Variants in BBS9 observed in about 807,000 individuals in gnomAD.
BBS9 encodes the protein protein PTHB1.
A neutral mutation model predicts 117.7 loss-of-function variants in BBS9; 89 were observed. The ratio of observed to expected loss-of-function variants is 0.76; its 90% CI spans 0.64 to 0.90. The LOEUF is 0.90. BBS9 is among the 40% of genes least tolerant of loss of function. The probability of loss-of-function intolerance (pLI) is 0.00; values close to 1 mark genes in which losing one functional copy is unlikely to be tolerated. For synonymous variants in BBS9, 379 were observed against 370.9 expected (o/e 1.02, Z -0.25); for missense variants, 982 against 1,042.2 (o/e 0.94, Z 0.80).
At chr7:33,286,267 T>C (rs1802865793) in intron 9 of BBS9, among the ~76,000 whole-genome samples, 2 of 152,088 alleles carry the variant, frequency 1.3e-5, no homozygotes, top group Non-Finnish European at 2.9e-5. Flanking sequence ...GGAAAAATCC[T>C]TTTGTGTTTT....
intron 10 of BBS9, among the ~76,000 whole-genome samples, chr7:33,338,729 T>C (rs1815894351): frequency 6.6e-6 from 1 of 152,252 alleles, no homozygotes; most frequent in African/African-American, 2.4e-5. Flanking sequence ...AAGCTTTTCA[T>C]ACTCAACTCA....
At chr7:33,413,216 T>G (rs939349723) in intron 19 of BBS9, among the ~76,000 whole-genome samples, 23 of 152,308 alleles carry the variant, frequency 1.5e-4, no homozygotes, top group East Asian at 5.8e-4. Flanking sequence ...ATCCTTGCAG[T>G]CTCACTCCTA....
Position 33,272,995 on chromosome 7 carries a change from T to TG in BBS9, c.703-16dup. ...CTGAGGTTAGCAACTAAATTGATAT[T>TG]GAGTTTTGCTTTGTAGGTGGATTGG... On this transcript the variant is annotated splice_polypyrimidine_tract_variant and intron_variant, in intron 7 of 22. Coordinates refer to ENST00000242067, the MANE Select transcript of BBS9 (RefSeq NM_198428.3). 3 of 1,613,382 alleles carry TG rather than the reference T, an allele frequency of 1.9e-6. No homozygotes were observed. Among genetic ancestry groups the TG allele is most frequent in the Non-Finnish European group, 2.5e-6 (3 of 1,179,524 alleles).
At chr7:33,568,015 T>C (rs1049404406) in intron 21 of BBS9, among the ~76,000 whole-genome samples, 1 of 152,200 alleles carries the variant, frequency 6.6e-6, no homozygotes, top group African/African-American at 2.4e-5. Flanking sequence ...TCTTCTTCAA[T>C]ACATTTTTTA....
At chr7:33,151,450 C>G (rs959070253) in intron 2 of BBS9, among the ~76,000 whole-genome samples, 1 of 152,108 alleles carries the variant, frequency 6.6e-6, no homozygotes, top group African/African-American at 2.4e-5. Flanking sequence ...TTGAACTGAA[C>G]AAGCCTTTAG....
At chr7:33,548,767 G>T (rs13309541) in intron 21 of BBS9, among the ~76,000 whole-genome samples, 2 of 150,280 alleles carry the variant, frequency 1.3e-5, no homozygotes, top group Admixed American at 6.7e-5. Flanking sequence ...CTGCTCAAGG[G>T]AATAAAAGAG....
chr7:33,401,183 TTTTTC>T (rs1828857482), intron 19 of BBS9, among the ~76,000 whole-genome samples: 1 of 152,248 alleles, frequency 6.6e-6, no homozygotes, highest in African/African-American at 2.4e-5. Context: ...CTTAATATTC[TTTTTC>T]AGTTGATTCC....
chr7:33,595,013 C>A (rs1012654554), intron 21 of BBS9, among the ~76,000 whole-genome samples: 3 of 152,090 alleles, frequency 2.0e-5, no homozygotes, highest in African/African-American at 7.2e-5. Context: ...AAACTGGACC[C>A]CTTCCTTAGA....
intron 21 of BBS9, among the ~76,000 whole-genome samples, chr7:33,540,075 A>G (rs776635480): frequency 6.6e-6 from 1 of 152,208 alleles, no homozygotes; most frequent in Non-Finnish European, 1.5e-5. Context: ...TTCCTTAAGC[A>G]GGAGGATCCA....
chr7:33,258,699 G>T (rs1797477912), intron 6 of BBS9, among the ~76,000 whole-genome samples: 1 of 152,174 alleles, frequency 6.6e-6, no homozygotes, highest in South Asian at 2.1e-4. Flanking sequence ...ACCCAGCTCT[G>T]TGCCTCACCT....
intron 19 of BBS9, among the ~76,000 whole-genome samples, chr7:33,472,837 G>T (rs1187928764): frequency 6.6e-6 from 1 of 152,136 alleles, no homozygotes; most frequent in African/African-American, 2.4e-5. Flanking sequence ...TGTGGAACTT[G>T]CCACATGATA....
At chr7:33,309,314 C>T (rs991659511) in intron 9 of BBS9, among the ~76,000 whole-genome samples, 10 of 147,226 alleles carry the variant, frequency 6.8e-5, no homozygotes, top group Admixed American at 2.1e-4. Flanking sequence ...AATTATAACA[C>T]GTTTGAGTGA....
intron 5 of BBS9, among the ~76,000 whole-genome samples, chr7:33,246,707 A>G (rs1646688196): frequency 6.6e-6 from 1 of 151,980 alleles, no homozygotes; most frequent in Non-Finnish European, 1.5e-5. Context: ...GTTCTTCTGT[A>G]TGATGTTGTC....
At chr7:33,361,841 G>T (rs553197533) in intron 16 of BBS9, among the ~76,000 whole-genome samples, 3 of 151,984 alleles carry the variant, frequency 2.0e-5, no homozygotes, top group East Asian at 3.9e-4. Flanking sequence ...ATACACTTTT[G>T]TTCTCAAACA....
intron 21 of BBS9, among the ~76,000 whole-genome samples, chr7:33,634,981 G>T (rs1052716437): frequency 2.0e-5 from 3 of 152,180 alleles, no homozygotes; most frequent in Non-Finnish European, 4.4e-5. Flanking sequence ...TTCTCTTTTG[G>T]TGTCCTTGGC....
At chr7:33,207,311 ACTTCC>A (rs1787110411) in intron 5 of BBS9, among the ~76,000 whole-genome samples, 1 of 152,148 alleles carries the variant, frequency 6.6e-6, no homozygotes, top group African/African-American at 2.4e-5. Flanking sequence ...CCAAATTGGC[ACTTCC>A]TTCACATTTG....
At chr7:33,194,198 C>T (rs538496896) in intron 5 of BBS9, among the ~76,000 whole-genome samples, 2 of 152,276 alleles carry the variant, frequency 1.3e-5, no homozygotes, top group East Asian at 3.9e-4. Context: ...TTCCATTTCT[C>T]TGGGCTGTCT....
chr7:33,596,055 A>G (rs2129187112), intron 21 of BBS9, among the ~76,000 whole-genome samples: 1 of 152,138 alleles, frequency 6.6e-6, no homozygotes, highest in Non-Finnish European at 1.5e-5. Flanking sequence ...GAGCATTAGG[A>G]CAAATAGCTA....
intron 2 of BBS9, among the ~76,000 whole-genome samples, chr7:33,148,916 G>C (rs1792852535): frequency 1.3e-5 from 2 of 152,186 alleles, no homozygotes; most frequent in African/African-American, 4.8e-5. Context: ...GAGCCACTGA[G>C]CCTGGCCTAA....
Sources: allele counts gnomAD v4.1 joint callset (sites outside exome capture counted in the v4.1 genomes callset), GRCh38; gene constraint gnomAD v4.1.1; transcripts MANE v1.5; gene names NCBI Gene and HGNC (gene_info 2026-07-23, HGNC 2026-07-21).